AK5: variants seen among roughly 807,000 people sequenced by gnomAD.
AK5 encodes the protein adenylate kinase 5, also known as adenylate kinase isoenzyme 5.
AK5 carries 27 observed loss-of-function variants against 69.5 expected under a neutral mutation model. The ratio of observed to expected loss-of-function variants is 0.39; its 90% CI spans 0.29 to 0.54. The LOEUF is 0.54. Ranked by LOEUF, AK5 falls within the 20% of genes least tolerant of loss-of-function variation. The pLI is 0.71. For synonymous variants in AK5, 260 were observed against 244.4 expected, an observed-to-expected ratio of 1.06 and a Z score of -0.60; for missense variants, 531 against 700.4, an observed-to-expected ratio of 0.76 and a Z score of 2.73.
At chr1:77,389,799 A>G (rs960088417) in intron 6 of AK5, among the ~76,000 whole-genome samples, 1 of 151,888 alleles carries the variant, frequency 6.6e-6, no homozygotes, top group African/African-American at 2.4e-5. Flanking sequence ...CCATCTCTAC[A>G]AAAAATACAA....
At chr1:77,477,539 C>G (rs1314295727) in intron 8 of AK5, among the ~76,000 whole-genome samples, 3 of 152,128 alleles carry the variant, frequency 2.0e-5, no homozygotes, top group Admixed American at 1.3e-4. Context: ...GTTCATGATT[C>G]TTCCAGAATT....
intron 11 of AK5, 48 bp downstream of exon 11, chr1:77,518,775 G>A: frequency 6.4e-7 from 1 of 1,572,548 alleles, no homozygotes; most frequent in Non-Finnish European, 8.7e-7. Context: ...TGTCTGGGGA[G>A]ACCTTTGGGG....
Position 77,526,122 on chromosome 1 carries a change from G to A in AK5, c.1428+4179G>A, listed in dbSNP as rs149002847. ...TCTTCTAGCCAACGTCTAGGCTGTGGATAAGTCCCTAGGGATACATTCTAA... is the reference window on the plus strand; with the variant it reads ...TCTTCTAGCCAACGTCTAGGCTGTGAATAAGTCCCTAGGGATACATTCTAA... On this transcript the variant is annotated intron_variant, in intron 12 of 13. Transcript: ENST00000354567. 5.9e-5 allele frequency among the ~76,000 whole-genome samples: 9 copies of A among 152,264 alleles called. No homozygotes were observed. The South Asian group carries it at 1.5e-3, about 25-fold the overall frequency.
At chr1:77,499,655 G>T (rs1416424937) in intron 10 of AK5, among the ~76,000 whole-genome samples, 1 of 152,088 alleles carries the variant, frequency 6.6e-6, no homozygotes, top group East Asian at 1.9e-4. Context: ...GTTGAGGCAA[G>T]CACTGAGACT....
Position 77,521,957 on chromosome 1 carries a change from A to G in AK5, c.1428+14A>G, listed in dbSNP as rs1254126562. The G allele has an allele frequency of 1.9e-6, 3 of 1,566,894 alleles. No homozygotes were observed. Among genetic ancestry groups the G allele is most frequent in the Non-Finnish European group, 2.6e-6 (3 of 1,155,696 alleles). ...TTCGGACGCAGGGTGAGTGGTTGTT[A>G]CGGGCATCCTTCCAGAAGAAAAATA... On this transcript the variant is annotated intron_variant, in intron 12 of 13. Transcript: ENST00000354567.
chr1:77,359,195 C>T (rs1646811180), intron 6 of AK5, among the ~76,000 whole-genome samples: 1 of 150,690 alleles, frequency 6.6e-6, no homozygotes, highest in Admixed American at 6.6e-5. Context: ...GCAGAGCTTA[C>T]AGTGAGCCGA....
chr1:77,467,141 C>T (rs559235848), intron 8 of AK5, among the ~76,000 whole-genome samples: 1 of 152,320 alleles, frequency 6.6e-6, no homozygotes, highest in African/African-American at 2.4e-5. Flanking sequence ...CTCTTTTATT[C>T]ATTCCTGGAT....
chr1:77,446,641 T>G (rs1037473000), intron 8 of AK5, among the ~76,000 whole-genome samples: 13 of 152,230 alleles, frequency 8.5e-5, no homozygotes, highest in Middle Eastern at 3.2e-3. Flanking sequence ...TTCGTTAAAT[T>G]TATTCCTAAA....
intron 6 of AK5, among the ~76,000 whole-genome samples, chr1:77,374,145 A>T (rs535039994): frequency 6.6e-5 from 10 of 152,326 alleles, no homozygotes; most frequent in Admixed American, 3.3e-4. Context: ...TTACTGAGGC[A>T]TGTACCAAAA....
At chr1:77,368,274 T>TTATATATATATAA (rs1165385747) in intron 6 of AK5, among the ~76,000 whole-genome samples, 2 of 58,360 alleles carry the variant, frequency 3.4e-5, no homozygotes, top group African/African-American at 9.1e-5. Flanking sequence ...TATATATATG[T>TTATATATATATAA]TATATATGTT....
chr1:77,508,340 A>G (rs1657137405), intron 10 of AK5, among the ~76,000 whole-genome samples: 1 of 152,162 alleles, frequency 6.6e-6, no homozygotes, highest in Non-Finnish European at 1.5e-5. Context: ...CTCAGCCCAG[A>G]GATGTACAGA....
chr1:77,551,831 A>G (rs1297987392), intron 13 of AK5, among the ~76,000 whole-genome samples: 1 of 152,196 alleles, frequency 6.6e-6, no homozygotes, highest in African/African-American at 2.4e-5. Flanking sequence ...GTGGGAATAG[A>G]GGATACATTC....
chr1:77,359,945 T>G lies in AK5; in HGVS notation c.891+19377T>G, dbSNP rs1471013684. Among the ~76,000 whole-genome samples the G allele has an allele frequency of 3.3e-5, 5 of 152,270 alleles. No individual in the cohort carries two copies. The East Asian group carries it at 9.7e-4, about 29-fold the overall frequency. ...AATAGGCCAAGGGACGAACCTTGAG[T>G]TAGCTGGAGCTGAGAGATAGATTGG... On this transcript the variant is annotated intron_variant, in intron 6 of 13. Transcript: ENST00000354567.
intron 13 of AK5, among the ~76,000 whole-genome samples, chr1:77,536,630 G>A (rs1658985948): frequency 6.6e-6 from 1 of 152,172 alleles, no homozygotes; most frequent in Non-Finnish European, 1.5e-5. Context: ...AGAGAGAGAG[G>A]GAGAGAGGAA....
At chr1:77,333,725 C>T (rs984677027) in intron 5 of AK5, among the ~76,000 whole-genome samples, 1 of 152,150 alleles carries the variant, frequency 6.6e-6, no homozygotes, top group Non-Finnish European at 1.5e-5. Flanking sequence ...GCTACTTGCA[C>T]GCTACAAGAC....
intron 6 of AK5, among the ~76,000 whole-genome samples, chr1:77,346,652 A>G (rs1038791717): frequency 1.4e-4 from 21 of 152,036 alleles, no homozygotes; most frequent in Admixed American, 2.0e-4. Flanking sequence ...GTATGCCACC[A>G]TGCCCACCTA....
chr1:77,558,653 A>G lies in AK5; in HGVS notation c.1672A>G (p.Ile558Val), dbSNP rs965733248. 3.9e-6 allele frequency: 6 copies of G among 1,533,750 alleles called. No homozygotes were observed. Among genetic ancestry groups the G allele is most frequent in the Non-Finnish European group, 5.3e-6 (6 of 1,129,592 alleles). Residue 558 changes from isoleucine to valine, a missense_variant, in exon 14 of 14, where the codon ATT (isoleucine) becomes GTT (valine). Transcript: ENST00000354567. ...EDVFLQLCTA[I>V]DSIF ...CGTTTTTCTTCAACTCTGCACAGCT[A>G]TTGACTCTATTTTCTGAAGGCAAAA...
At chr1:77,287,841 T>C (rs1658449080) in intron 2 of AK5, among the ~76,000 whole-genome samples, 1 of 152,212 alleles carries the variant, frequency 6.6e-6, no homozygotes, top group South Asian at 2.1e-4. Flanking sequence ...CACTCAGCAG[T>C]GTATGAATGG....
chr1:77,393,009 T>C (rs1322037711), intron 6 of AK5, among the ~76,000 whole-genome samples: 2 of 152,164 alleles, frequency 1.3e-5, no homozygotes, highest in African/African-American at 4.8e-5. Flanking sequence ...CACAGCTCAC[T>C]GCAGTCTCGA....
Sources: allele counts gnomAD v4.1 joint callset (sites outside exome capture counted in the v4.1 genomes callset), GRCh38; gene constraint gnomAD v4.1.1; transcripts MANE v1.5; gene names NCBI Gene and HGNC (gene_info 2026-07-23, HGNC 2026-07-21).